The following SGIP1 variants were observed in gnomAD, a reference collection of about 807,000 sequenced individuals.
SGIP1 encodes SH3-containing GRB2-like protein 3-interacting protein 1.
In SGIP1, 38 loss-of-function variants were observed where a neutral mutation model predicts 107.5. That is an observed-to-expected ratio of 0.35 (90% CI 0.27 to 0.46). The LOEUF (loss-of-function observed/expected upper bound fraction) is 0.46. SGIP1 is among the 20% of genes least tolerant of loss of function. The probability of loss-of-function intolerance (pLI) is 1.00; values close to 1 mark genes in which losing one functional copy is unlikely to be tolerated. For synonymous variants in SGIP1, 365 were observed against 366.1 expected (o/e 1.00, Z 0.03); for missense variants, 929 against 1,019.5 (o/e 0.91, Z 1.21).
At chr1:66,588,434 C>T (rs961092291) in intron 1 of SGIP1, among the ~76,000 whole-genome samples, 2 of 152,062 alleles carry the variant, frequency 1.3e-5, no homozygotes, top group East Asian at 1.9e-4. Flanking sequence ...AAAAGTAGAG[C>T]AAAGTGTTTC....
rs749126311 is a variant in SGIP1 at position 66,633,074 on chromosome 1, T to C, written c.79T>C (p.Ser27Pro). The C allele has an allele frequency of 1.3e-6, 2 of 1,538,200 alleles. No homozygotes were observed. Among genetic ancestry groups the C allele is most frequent in the African/African-American group, 1.4e-5 (1 of 73,236 alleles). ...ATCAATTTCTTTTTGTTACAGAGGTTCACCAGATAGAGATGGAATTGTAAG... is the reference window on the plus strand; with the variant it reads ...ATCAATTTCTTTTTGTTACAGAGGTCCACCAGATAGAGATGGAATTGTAAG... ...KKEKDTDSTG[S>P]PDRDGIQPSP... The change falls in exon 3 of 25, where the codon TCA becomes CCA. Residue 27 changes from serine (S) to proline (P), a missense_variant. Physicochemically the swap from Ser to Pro is moderately conservative, Grantham distance 74. Coordinates refer to ENST00000371037, the MANE Select transcript of SGIP1 (RefSeq NM_032291.4).
intron 18 of SGIP1, among the ~76,000 whole-genome samples, chr1:66,696,124 CA>C (rs989426070): frequency 1.2e-4 from 18 of 152,124 alleles, no homozygotes; most frequent in African/African-American, 4.3e-4. Flanking sequence ...GGAAAATATA[CA>C]TAAATATAAT....
At chr1:66,734,392 C>A (rs932999280) in intron 21 of SGIP1, among the ~76,000 whole-genome samples, 3 of 151,910 alleles carry the variant, frequency 2.0e-5, no homozygotes, top group African/African-American at 4.8e-5. Flanking sequence ...TCTAGAATTG[C>A]CCTTATCTCA....
chr1:66,714,844 C>T (rs1375434492), intron 18 of SGIP1, among the ~76,000 whole-genome samples: 4 of 152,004 alleles, frequency 2.6e-5, no homozygotes, highest in Admixed American at 1.3e-4. Context: ...AAAAAAGTTT[C>T]CAGGCCCCTC....
chr1:66,535,300 C>T (rs1445547046), intron 1 of SGIP1, among the ~76,000 whole-genome samples: 2 of 152,148 alleles, frequency 1.3e-5, no homozygotes, highest in South Asian at 2.1e-4. Flanking sequence ...CTGGCCTTTC[C>T]TAAGATGACA....
intron 1 of SGIP1, among the ~76,000 whole-genome samples, chr1:66,585,618 A>AT (rs2062495021): frequency 7.4e-6 from 1 of 135,512 alleles, no homozygotes. Flanking sequence ...GTTTTTTGTT[A>AT]TTTTACACCC....
At chr1:66,639,870 T>A (rs1008162987) in intron 5 of SGIP1, 37 bp downstream of exon 5, 3 of 1,555,556 alleles carry the variant, frequency 1.9e-6, no homozygotes, top group Admixed American at 3.6e-5. Context: ...TATTAAGTAT[T>A]TTACAGTTTA....
chr1:66,601,038 C>T (rs2065695343), intron 1 of SGIP1, among the ~76,000 whole-genome samples: 1 of 152,172 alleles, frequency 6.6e-6, no homozygotes, highest in Non-Finnish European at 1.5e-5. Context: ...TGTAGTGCTT[C>T]GCTTTCCAGT....
At chr1:66,565,483 G>A (rs1291984593) in intron 1 of SGIP1, among the ~76,000 whole-genome samples, 3 of 151,882 alleles carry the variant, frequency 2.0e-5, no homozygotes, top group African/African-American at 7.2e-5. Flanking sequence ...ATAAACCAAG[G>A]TTTCTGGCAT....
rs367916288 is a variant in SGIP1, at chr1:66,720,127, T to A, written c.1742+722T>A. On this transcript the variant is annotated intron_variant, in intron 19 of 24. Coordinates refer to ENST00000371037, the MANE Select transcript of SGIP1 (RefSeq NM_032291.4). ...AATTCCATGGATAGGATTCAGAAAA[T>A]CAATGGTTTCCCTGAAATTATATTG... is the stretch of plus-strand genomic sequence containing the variant. 6.4e-4 allele frequency among the ~76,000 whole-genome samples: 97 copies of A among 152,268 alleles called. 1 individual carries two copies. The highest frequency in any genetic ancestry group is 2.1e-3 in the African/African-American group (89 of 41,564).
chr1:66,553,105 T>A (rs2057672663), intron 1 of SGIP1, among the ~76,000 whole-genome samples: 1 of 152,090 alleles, frequency 6.6e-6, no homozygotes, highest in African/African-American at 2.4e-5. Context: ...CAGCTCCATG[T>A]TTGGGTCACG....
At chr1:66,601,396 C>G (rs2149025313) in intron 1 of SGIP1, among the ~76,000 whole-genome samples, 1 of 152,046 alleles carries the variant, frequency 6.6e-6, no homozygotes, top group East Asian at 1.9e-4. Context: ...CAAACAAAAA[C>G]AAAAGAAGTA....
At chr1:66,736,345 ATTATATGTGAATATAATATG>A (rs1463825874) in intron 21 of SGIP1, among the ~76,000 whole-genome samples, 2 of 147,330 alleles carry the variant, frequency 1.4e-5, no homozygotes, top group East Asian at 3.9e-4. Context: ...AATACGATAT[ATTATATGTGAATATAATATG>A]ATATATGTGA....
Position 66,740,729 on chromosome 1 carries a change from G to C in SGIP1, c.2299+7G>C, listed in dbSNP as rs185831713. On this transcript the variant is annotated splice_region_variant and intron_variant, in intron 23 of 24. Coordinates refer to ENST00000371037, the MANE Select transcript of SGIP1 (RefSeq NM_032291.4). ...CAGAAGTCAGAAAATGGAGGTAATG[G>C]AATCACAAGTTTATTTTATTTAACA... is the stretch of plus-strand genomic sequence containing the variant. 5 of 1,587,726 alleles carry C rather than the reference G, an allele frequency of 3.1e-6. No homozygotes were observed. In the East Asian group the frequency reaches 9.0e-5, roughly 28 times the overall value.
intron 1 of SGIP1, among the ~76,000 whole-genome samples, chr1:66,605,725 A>G (rs940229902): frequency 6.6e-6 from 1 of 152,104 alleles, no homozygotes; most frequent in Non-Finnish European, 1.5e-5. Flanking sequence ...CCAGAAGGAC[A>G]TGTAGGTGAA....
chr1:66,725,665 A>G (rs1388469023), intron 19 of SGIP1, among the ~76,000 whole-genome samples: 2 of 152,228 alleles, frequency 1.3e-5, no homozygotes, highest in Non-Finnish European at 2.9e-5. Flanking sequence ...AATATATAAA[A>G]CAATGACTTG....
intron 1 of SGIP1, among the ~76,000 whole-genome samples, chr1:66,577,564 T>C (rs1157654612): frequency 6.6e-6 from 1 of 152,216 alleles, no homozygotes; most frequent in East Asian, 1.9e-4. Flanking sequence ...CTATTTTAAC[T>C]GATGGGTGTT....
At chr1:66,598,796 C>A (rs1396337434) in intron 1 of SGIP1, among the ~76,000 whole-genome samples, 1 of 152,176 alleles carries the variant, frequency 6.6e-6, no homozygotes, top group Non-Finnish European at 1.5e-5. Context: ...ATCCAATCAC[C>A]TCCCACCAGG....
At chr1:66,697,031 A>C (rs2091054823) in intron 18 of SGIP1, among the ~76,000 whole-genome samples, 1 of 152,234 alleles carries the variant, frequency 6.6e-6, no homozygotes, top group African/African-American at 2.4e-5. Flanking sequence ...GAAAGTAAAC[A>C]AGGCACTTTG....
Sources: gnomAD v4.1 joint callset for allele counts (sites outside exome capture counted in the v4.1 genomes callset) on GRCh38, gnomAD v4.1.1 for gene constraint, MANE v1.5 for transcripts, NCBI Gene and HGNC (gene_info 2026-07-23, HGNC 2026-07-21) for gene names.